The following LRRFIP1 variants were observed in gnomAD, a reference collection of about 807,000 sequenced individuals.
The protein encoded by LRRFIP1 is leucine-rich repeat flightless-interacting protein 1.
LRRFIP1 carries 62 observed loss-of-function variants against 104.4 expected under a neutral mutation model. That is an observed-to-expected ratio of 0.59 (90% confidence interval 0.48 to 0.73). LRRFIP1 has a LOEUF of 0.73. Ranked by LOEUF, LRRFIP1 falls within the 30% of genes least tolerant of loss-of-function variation. The pLI, the probability that LRRFIP1 is intolerant of heterozygous loss-of-function variation, is 0.00. For missense variants in LRRFIP1, 796 were observed against 824.5 expected (o/e 0.97, Z 0.42); for synonymous variants, 300 against 299.0 (o/e 1.00, Z -0.03).
chr2:237,650,288 T>C (rs772012354), intron 1 of LRRFIP1, among the ~76,000 whole-genome samples: 1 of 151,730 alleles, frequency 6.6e-6, no homozygotes, highest in Non-Finnish European at 1.5e-5. Context: ...ATGGGGGCTG[T>C]TGTGGCTGAG....
At chr2:237,628,093 C>A (rs2081851930) in intron 1 of LRRFIP1, among the ~76,000 whole-genome samples, 1 of 152,160 alleles carries the variant, frequency 6.6e-6, no homozygotes, top group South Asian at 2.1e-4. Flanking sequence ...GGGGCGAGCG[C>A]CCCGCTTTGT....
intron 19 of LRRFIP1, chr2:237,765,937 G>A (rs1475516380): frequency 1.0e-6 from 1 of 983,748 alleles, no homozygotes; most frequent in African/African-American, 1.7e-5. Flanking sequence ...CACTCTTTGG[G>A]CTGCTTGAAG....
At chr2:237,692,805 C>T (rs920904343) in intron 1 of LRRFIP1, among the ~76,000 whole-genome samples, 2 of 152,282 alleles carry the variant, frequency 1.3e-5, no homozygotes, top group Non-Finnish European at 2.9e-5. Flanking sequence ...GGGCTGCAGA[C>T]AGGCTCTGAC....
chr2:237,660,785 G>T (rs999108022), intron 1 of LRRFIP1, among the ~76,000 whole-genome samples: 1 of 152,208 alleles, frequency 6.6e-6, no homozygotes, highest in African/African-American at 2.4e-5. Context: ...AGCAAGAAAA[G>T]CTTCAACACA....
At chr2:237,715,670 G>GA (rs1409096187) in intron 3 of LRRFIP1, among the ~76,000 whole-genome samples, 1 of 152,236 alleles carries the variant, frequency 6.6e-6, no homozygotes, top group Non-Finnish European at 1.5e-5. Flanking sequence ...GGGAGGAGAG[G>GA]AGGCGGCGAT....
intron 13 of LRRFIP1, among the ~76,000 whole-genome samples, chr2:237,750,182 G>A (rs953953691): frequency 6.6e-6 from 1 of 152,120 alleles, no homozygotes; most frequent in Non-Finnish European, 1.5e-5. Flanking sequence ...AGTTTGGCCA[G>A]GGTTACCTTG....
rs1471571219 is a variant in LRRFIP1 at position 237,766,320 on chromosome 2, T to G, written c.1460-3623T>G. Among the ~76,000 whole-genome samples, 1 of 139,462 alleles carries G rather than the reference T, an allele frequency of 7.2e-6. No individual in the cohort carries two copies. Among genetic ancestry groups the G allele is most frequent in the African/African-American group, 2.5e-5 (1 of 40,362 alleles). The allele number at this position is 139,462 out of a possible 152,430, so 91.5% of individuals were successfully genotyped here. On this transcript the variant is annotated intron_variant, in intron 19 of 23. Transcript: ENST00000308482. This position sits in a 1 kb window ranked among gnomAD's most constrained non-coding sequence, Gnocchi z 4.8. The stretch of plus-strand genomic sequence containing the variant: ...GAGGATGGTGGGGATGATAAATGCT[T>G]GCTAGGAAATAAGTCCAAGGGCTCT...
intron 1 of LRRFIP1, among the ~76,000 whole-genome samples, chr2:237,633,077 G>A (rs13000341): frequency 0.12 from 18,763 of 152,210 alleles, 1,602 homozygotes; most frequent in Non-Finnish European, 0.2. Context: ...GAGAGGTGAG[G>A]GGCGTTCAGT....
In LRRFIP1 at chr2:237,771,564, CCG is replaced by C. The variant is rs200737864; in HGVS notation, c.1510-515_1510-514del. On this transcript the variant is annotated intron_variant, in intron 20 of 23. Transcript: ENST00000308482. The stretch of plus-strand genomic sequence containing the variant: ...TCCTGGAACCAATCCCCCCCCCCCC[CCG>C]CCCAGATACCAAGGGACAACTGGAC... 4.8e-3 allele frequency among the ~76,000 whole-genome samples: 431 copies of C among 89,118 alleles called. 43 individuals are homozygous for C. Among genetic ancestry groups the C allele is most frequent in the African/African-American group, 0.014 (254 of 18,198 alleles). The allele number at this position is 89,118 out of a possible 152,430, so 58.5% of individuals were successfully genotyped here.
At chr2:237,710,748 G>A (rs974545838) in intron 2 of LRRFIP1, among the ~76,000 whole-genome samples, 2 of 145,346 alleles carry the variant, frequency 1.4e-5, no homozygotes, top group South Asian at 2.3e-4. Context: ...AGCAGTCATC[G>A]ATTTGAATGG....
At chr2:237,632,946 CT>C (rs1193198263) in intron 1 of LRRFIP1, among the ~76,000 whole-genome samples, 1 of 152,192 alleles carries the variant, frequency 6.6e-6, no homozygotes, top group East Asian at 1.9e-4. Flanking sequence ...AATTTCATGA[CT>C]TTTTTCTCTA....
chr2:237,630,890 C>G (rs1433366458), intron 1 of LRRFIP1, among the ~76,000 whole-genome samples: 1 of 152,204 alleles, frequency 6.6e-6, no homozygotes, highest in Non-Finnish European at 1.5e-5. Flanking sequence ...CACTGTGGAG[C>G]CCACACACCG....
rs1172576547 is a variant in LRRFIP1 at position 237,681,678 on chromosome 2, C to CTTTTTTTTTTTTTTTTTT, written c.97-26864_97-26847dup. ...CACCGTGCCCGGCCGCAGTCCTATT[C>CTTTTTTTTTTTTTTTTTT]TTTTTTTTTTTTTTTTTTTGAGACG... On this transcript the variant is annotated intron_variant, in intron 1 of 23. Coordinates refer to ENST00000308482, the MANE Select transcript of LRRFIP1 (RefSeq NM_001137550.2). 4.7e-3 allele frequency among the ~76,000 whole-genome samples: 210 copies of CTTTTTTTTTTTTTTTTTT among 44,884 alleles called. 73 individuals are homozygous for CTTTTTTTTTTTTTTTTTT. The highest frequency in any genetic ancestry group is 6.3e-3 in the Non-Finnish European group (143 of 22,748). 29.4% of individuals were successfully genotyped at this position (44,884 alleles called of 152,430 possible).
chr2:237,716,185 A>G (rs905545369), intron 3 of LRRFIP1, among the ~76,000 whole-genome samples: 2 of 152,364 alleles, frequency 1.3e-5, no homozygotes, highest in Admixed American at 1.3e-4. Context: ...GAGTGATGGC[A>G]TCATATTTTA....
chr2:237,643,191 C>A (rs2084295546), intron 1 of LRRFIP1, among the ~76,000 whole-genome samples: 1 of 152,268 alleles, frequency 6.6e-6, no homozygotes, highest in African/African-American at 2.4e-5. Flanking sequence ...GGCCACAGGG[C>A]CGCCGCGCAC....
In LRRFIP1 at chr2:237,703,061, G is replaced by A. The variant is rs532613992; in HGVS notation, c.97-5483G>A. Among the ~76,000 whole-genome samples, 1 of 152,196 alleles carries A rather than the reference G, an allele frequency of 6.6e-6. No individual in the cohort carries two copies. The highest frequency in any genetic ancestry group is 1.5e-5 in the Non-Finnish European group (1 of 68,032). On this transcript the variant is annotated intron_variant, in intron 1 of 23. Coordinates refer to ENST00000308482, the MANE Select transcript of LRRFIP1 (RefSeq NM_001137550.2). This position sits in a 1 kb window ranked among gnomAD's most constrained non-coding sequence, Gnocchi z 4.3. ...CTCTTTCCCTGTTGGCTCCTGTAGG[G>A]TGGGGACAGACCAGCCCCCATGAAC...
intron 1 of LRRFIP1, among the ~76,000 whole-genome samples, chr2:237,632,407 C>T (rs1248173362): frequency 6.6e-6 from 1 of 152,242 alleles, no homozygotes; most frequent in Non-Finnish European, 1.5e-5. Flanking sequence ...ACCTCCCTCC[C>T]CAGCCCTTCC....
At chr2:237,708,744 C>A in intron 2 of LRRFIP1, 114 bp downstream of exon 2, 1 of 1,203,044 alleles carries the variant, frequency 8.3e-7, no homozygotes, top group Non-Finnish European at 1.2e-6. Context: ...ACGTTGCTCA[C>A]GGTCAGAGTG....
At chr2:237,687,472 C>T (rs144545651) in intron 1 of LRRFIP1, among the ~76,000 whole-genome samples, 85 of 151,914 alleles carry the variant, frequency 5.6e-4, no homozygotes, top group African/African-American at 1.5e-3. Flanking sequence ...GGCGTGGTGG[C>T]GCACACCTGT....
Sources: allele counts gnomAD v4.1 joint callset (sites outside exome capture counted in the v4.1 genomes callset), GRCh38; gene constraint gnomAD v4.1.1; non-coding constraint Gnocchi (gnomAD v3.1); transcripts MANE v1.5; gene names NCBI Gene and HGNC (gene_info 2026-07-23, HGNC 2026-07-21).